Variants in PALM2AKAP2 observed in about 807,000 individuals in gnomAD.
PALM2AKAP2 encodes the protein PALM2-AKAP2 fusion protein.
PALM2AKAP2 carries 37 observed loss-of-function variants against 71.5 expected under a neutral mutation model. The observed-to-expected ratio is 0.52, with a 90% CI of 0.40 to 0.68. The LOEUF (loss-of-function observed/expected upper bound fraction) is 0.68. PALM2AKAP2 is among the 30% of genes least tolerant of loss of function. The pLI, the probability that PALM2AKAP2 is intolerant of heterozygous loss-of-function variation, is 0.00. For missense variants in PALM2AKAP2, 1,224 were observed against 1,191.8 expected (o/e 1.03, Z -0.40); for synonymous variants, 468 against 478.8 (o/e 0.98, Z 0.29).
chr9:110,047,204 C>A (rs1235643622), upstream of PALM2AKAP2, among the ~76,000 whole-genome samples: 4 of 152,072 alleles, frequency 2.6e-5, no homozygotes, highest in African/African-American at 9.7e-5. Flanking sequence ...GACAAACAGG[C>A]AAAAAGGATC....
At chr9:109,696,694 C>T (rs1420286910) in intron 1 of PALM2AKAP2, among the ~76,000 whole-genome samples, 1 of 152,144 alleles carries the variant, frequency 6.6e-6, no homozygotes, top group Non-Finnish European at 1.5e-5. Context: ...TGGTGTTCCA[C>T]CTGCATCCCC....
chr9:110,115,328 G>A (rs1835339917), intron 1 of PALM2AKAP2, among the ~76,000 whole-genome samples: 1 of 152,198 alleles, frequency 6.6e-6, no homozygotes, highest in African/African-American at 2.4e-5. Flanking sequence ...CAGTGTCAAG[G>A]GCAAATATCT....
chr9:110,012,159 G>T (rs768062088), intron 6 of PALM2AKAP2, among the ~76,000 whole-genome samples: 1 of 152,064 alleles, frequency 6.6e-6, no homozygotes, highest in African/African-American at 2.4e-5. Flanking sequence ...CGGGCATGGT[G>T]GCGGGTGCCT....
chr9:110,108,797 G>T (rs1297287076), intron 1 of PALM2AKAP2, among the ~76,000 whole-genome samples: 1 of 152,098 alleles, frequency 6.6e-6, no homozygotes, highest in African/African-American at 2.4e-5. Context: ...TATATTGCAC[G>T]ACAATAAAAG....
At chr9:109,869,486 G>A (rs919011817) in intron 2 of PALM2AKAP2, among the ~76,000 whole-genome samples, 2 of 142,258 alleles carry the variant, frequency 1.4e-5, no homozygotes, top group Admixed American at 1.4e-4. Context: ...CCGCCACCAC[G>A]CCCAGCTAAT....
intron 1 of PALM2AKAP2, among the ~76,000 whole-genome samples, chr9:109,829,246 T>G (rs10733573): frequency 0.37 from 56,894 of 152,074 alleles, 10,875 homozygotes; most frequent in East Asian, 0.53. Context: ...ATACCCTGTG[T>G]AATCACCTCC....
intron 1 of PALM2AKAP2, among the ~76,000 whole-genome samples, chr9:109,806,542 T>G (rs1476552472): frequency 6.6e-6 from 1 of 152,156 alleles, no homozygotes; most frequent in Non-Finnish European, 1.5e-5. Context: ...GTACAGAGAC[T>G]TGGTTGTGCT....
intron 1 of PALM2AKAP2, among the ~76,000 whole-genome samples, chr9:109,653,982 G>A (rs1015671373): frequency 4.6e-5 from 7 of 152,100 alleles, no homozygotes; most frequent in African/African-American, 1.7e-4. Flanking sequence ...CTATTTTTTG[G>A]GAAATCAGAA....
intron 6 of PALM2AKAP2, among the ~76,000 whole-genome samples, chr9:109,992,639 G>A (rs1336603381): frequency 6.6e-6 from 1 of 152,090 alleles, no homozygotes; most frequent in Admixed American, 6.6e-5. Flanking sequence ...ATAACAGGCT[G>A]CCTTTATGAA....
chr9:110,163,034 A>C (rs1053478662), intron 3 of PALM2AKAP2, among the ~76,000 whole-genome samples: 2 of 152,120 alleles, frequency 1.3e-5, no homozygotes, highest in Non-Finnish European at 2.9e-5. Flanking sequence ...CTTTCCTTTT[A>C]CACAGATTTC....
upstream of PALM2AKAP2, among the ~76,000 whole-genome samples, chr9:110,043,700 C>T (rs1481869884): frequency 2.1e-5 from 3 of 141,358 alleles, no homozygotes; most frequent in African/African-American, 7.9e-5. Context: ...TATCTGTAAA[C>T]TACGTTTTTT....
At chr9:109,954,657 A>AT (rs1831710696) in intron 6 of PALM2AKAP2, among the ~76,000 whole-genome samples, 1 of 69,920 alleles carries the variant, frequency 1.4e-5, no homozygotes, top group South Asian at 5.9e-4. Context: ...TTAAAGTATA[A>AT]TAAAAAAAAA....
At chr9:109,985,249 A>G in intron 6 of PALM2AKAP2, among the ~76,000 whole-genome samples, 1 of 152,174 alleles carries the variant, frequency 6.6e-6, no homozygotes, top group East Asian at 1.9e-4. Flanking sequence ...AAAGCCTGAC[A>G]TATCTGTATG....
At chr9:109,670,893 A>G (rs1429995790) in intron 1 of PALM2AKAP2, among the ~76,000 whole-genome samples, 3 of 152,062 alleles carry the variant, frequency 2.0e-5, no homozygotes, top group Admixed American at 2.0e-4. Flanking sequence ...TTTTTCATAT[A>G]ATTGTTGGCC....
At chr9:109,794,577 T>G (rs1827199732) in intron 1 of PALM2AKAP2, among the ~76,000 whole-genome samples, 1 of 152,078 alleles carries the variant, frequency 6.6e-6, no homozygotes, top group African/African-American at 2.4e-5. Context: ...CCCTGTTCAG[T>G]TACCTCATGG....
rs531345053 is a variant in PALM2AKAP2, at chr9:109,895,514, A to T, written c.257+14833A>T. ...CCTGGAGAGATTTGTTTGATCTGGG[A>T]AAGCAGAAGTCAAACTTGGTTTTTC... On this transcript the variant is annotated intron_variant, in intron 3 of 9. Transcript: ENST00000302798. 2.0e-5 allele frequency among the ~76,000 whole-genome samples: 3 copies of T among 152,338 alleles called. No homozygotes were observed. In the South Asian group the frequency reaches 6.2e-4, roughly 32 times the overall value.
chr9:110,018,881 A>G (rs529647652), intron 7 of PALM2AKAP2, among the ~76,000 whole-genome samples: 1 of 152,206 alleles, frequency 6.6e-6, no homozygotes, highest in South Asian at 2.1e-4. Flanking sequence ...TTTGTATCTA[A>G]ATGAAAGTAT....
chr9:109,867,488 A>C lies in PALM2AKAP2; in HGVS notation c.46-3A>C. ...TTACAGCCTCTGTCTCTTTATTTTC[A>C]AGGAAAAAAGAAAGAGGCAGACTGA... is the stretch of plus-strand genomic sequence containing the variant. On this transcript the variant is annotated splice_polypyrimidine_tract_variant and splice_region_variant and intron_variant, in intron 1 of 9. Transcript: ENST00000302798. The C allele has an allele frequency of 6.2e-7, 1 of 1,611,000 alleles. No homozygotes were observed. Among genetic ancestry groups the C allele is most frequent in the Non-Finnish European group, 8.5e-7 (1 of 1,179,144 alleles).
intron 6 of PALM2AKAP2, among the ~76,000 whole-genome samples, chr9:110,011,014 A>AAAATATATATATAT (rs35212981): frequency 5.7e-5 from 4 of 69,588 alleles, no homozygotes; most frequent in African/African-American, 3.1e-4. Context: ...AAAAAAAAAA[A>AAAATATATATATAT]ATATATATAT....
Sources: gnomAD v4.1 joint callset for allele counts (sites outside exome capture counted in the v4.1 genomes callset) on GRCh38, gnomAD v4.1.1 for gene constraint, MANE v1.5 for transcripts, NCBI Gene and HGNC (gene_info 2026-07-23, HGNC 2026-07-21) for gene names.